The following CCSER1 variants were observed in gnomAD, a reference collection of about 807,000 sequenced individuals.
The protein encoded by CCSER1 is serine-rich coiled-coil domain-containing protein 1.
CCSER1 carries 41 observed loss-of-function variants against 82.0 expected under a neutral mutation model. The observed-to-expected ratio is 0.50, with a 90% CI of 0.39 to 0.65. The LOEUF (loss-of-function observed/expected upper bound fraction) is 0.65. Ranked by LOEUF, CCSER1 falls within the 30% of genes least tolerant of loss-of-function variation. The pLI, the probability that CCSER1 is intolerant of heterozygous loss-of-function variation, is 0.00. For missense variants in CCSER1, 1,119 were observed against 1,064.2 expected, an observed-to-expected ratio of 1.05 and a Z score of -0.72; for synonymous variants, 414 against 383.9, an observed-to-expected ratio of 1.08 and a Z score of -0.92.
At chr4:90,950,516 G>A (rs956563468) in intron 9 of CCSER1, among the ~76,000 whole-genome samples, 1 of 149,882 alleles carries the variant, frequency 6.7e-6, no homozygotes, top group African/African-American at 2.4e-5. Context: ...ACACACACAC[G>A]TGCACGCGTG....
intron 9 of CCSER1, among the ~76,000 whole-genome samples, chr4:91,020,746 T>C (rs188686354): frequency 6.6e-6 from 1 of 152,310 alleles, no homozygotes; most frequent in East Asian, 1.9e-4. Flanking sequence ...AATTTGTGTA[T>C]ATATACAAAA....
intron 1 of CCSER1, among the ~76,000 whole-genome samples, chr4:90,200,908 C>T (rs1322865561): frequency 6.6e-6 from 1 of 152,018 alleles, no homozygotes; most frequent in East Asian, 1.9e-4. Flanking sequence ...GAAATACTTC[C>T]TGTCTTCAAG....
chr4:91,187,224 C>T (rs766192095), intron 10 of CCSER1, among the ~76,000 whole-genome samples: 22 of 152,236 alleles, frequency 1.4e-4, no homozygotes, highest in Non-Finnish European at 3.1e-4. Context: ...AAATCACCCA[C>T]TTCTGCGTTG....
At chr4:91,464,619 C>T (rs1377102364) in intron 10 of CCSER1, among the ~76,000 whole-genome samples, 1 of 152,152 alleles carries the variant, frequency 6.6e-6, no homozygotes, top group Non-Finnish European at 1.5e-5. Flanking sequence ...ATCTCACATG[C>T]AGAGACACGC....
chr4:91,274,856 A>G (rs932062165), intron 10 of CCSER1, among the ~76,000 whole-genome samples: 3 of 152,160 alleles, frequency 2.0e-5, no homozygotes, highest in African/African-American at 7.2e-5. Flanking sequence ...CTGTAATCCC[A>G]GCACTTTGGG....
At chr4:90,322,538 T>G (rs1030540484) in intron 3 of CCSER1, among the ~76,000 whole-genome samples, 2 of 152,212 alleles carry the variant, frequency 1.3e-5, no homozygotes, top group Non-Finnish European at 2.9e-5. Flanking sequence ...TATTTTGATA[T>G]GGATTGCATT....
intron 10 of CCSER1, among the ~76,000 whole-genome samples, chr4:91,444,275 TA>T (rs1755406302): frequency 6.6e-6 from 1 of 152,174 alleles, no homozygotes; most frequent in South Asian, 2.1e-4. Flanking sequence ...GAGCATAAGC[TA>T]AATTATTTAA....
At chr4:91,210,536 C>G (rs1331556892) in intron 10 of CCSER1, among the ~76,000 whole-genome samples, 1 of 150,068 alleles carries the variant, frequency 6.7e-6, no homozygotes, top group Non-Finnish European at 1.5e-5. Context: ...GGTGACAGTA[C>G]ACTGTGATTT....
intron 3 of CCSER1, among the ~76,000 whole-genome samples, chr4:90,376,534 A>G (rs1440610394): frequency 6.6e-6 from 1 of 152,166 alleles, no homozygotes; most frequent in East Asian, 1.9e-4. Flanking sequence ...TGGCTTTTTA[A>G]GGTAGTCCCT....
At chr4:91,322,066 GAATT>G (rs1466772516) in intron 10 of CCSER1, among the ~76,000 whole-genome samples, 1 of 151,990 alleles carries the variant, frequency 6.6e-6, no homozygotes, top group Non-Finnish European at 1.5e-5. Flanking sequence ...ATGAATGAAT[GAATT>G]ATTTAAAATG....
intron 1 of CCSER1, among the ~76,000 whole-genome samples, chr4:90,163,268 T>C (rs1378588006): frequency 6.6e-6 from 1 of 152,020 alleles, no homozygotes; most frequent in Non-Finnish European, 1.5e-5. Context: ...TAAGTGGGGA[T>C]AATAAATGTT....
intron 10 of CCSER1, among the ~76,000 whole-genome samples, chr4:91,386,105 G>C (rs1030607713): frequency 6.8e-6 from 1 of 147,486 alleles, no homozygotes; most frequent in Non-Finnish European, 1.5e-5. Flanking sequence ...CCTGAATCCT[G>C]TTTTTTTTTT....
intron 10 of CCSER1, among the ~76,000 whole-genome samples, chr4:91,257,413 G>T (rs1300004524): frequency 1.3e-4 from 19 of 150,742 alleles, no homozygotes; most frequent in African/African-American, 4.6e-4. Flanking sequence ...TAATATTCAT[G>T]GTTTGACTTG....
intron 10 of CCSER1, among the ~76,000 whole-genome samples, chr4:91,333,276 T>A (rs554047701): frequency 9.2e-5 from 14 of 152,050 alleles, no homozygotes; most frequent in Non-Finnish European, 1.9e-4. Flanking sequence ...ATGACTTGTT[T>A]ATCATAGAAT....
intron 7 of CCSER1, among the ~76,000 whole-genome samples, chr4:90,804,500 A>G (rs11097269): frequency 0.34 from 51,558 of 151,688 alleles, 8,945 homozygotes; most frequent in East Asian, 0.42. Flanking sequence ...TTTGTGTCAG[A>G]TTTGTCAAAG....
intron 7 of CCSER1, among the ~76,000 whole-genome samples, chr4:90,810,821 A>C (rs1356231693): frequency 6.7e-6 from 1 of 149,670 alleles, no homozygotes. Context: ...CTAGTGAAAT[A>C]AAGAGTAATT....
intron 1 of CCSER1, among the ~76,000 whole-genome samples, chr4:90,307,017 C>A (rs575729407): frequency 6.6e-6 from 1 of 152,290 alleles, no homozygotes; most frequent in African/African-American, 2.4e-5. Context: ...ATGTATCATG[C>A]TGATTATGAG....
intron 10 of CCSER1, among the ~76,000 whole-genome samples, chr4:91,361,494 G>A (rs1749241562): frequency 6.6e-6 from 1 of 151,754 alleles, no homozygotes; most frequent in Non-Finnish European, 1.5e-5. Context: ...ATGGATGAAA[G>A]TAAAACAATA....
intron 1 of CCSER1, among the ~76,000 whole-genome samples, chr4:90,279,062 T>C (rs1728434147): frequency 6.6e-6 from 1 of 152,062 alleles, no homozygotes; most frequent in Non-Finnish European, 1.5e-5. Context: ...TATTCTATAA[T>C]GGCACTTTTT....
Sources: allele counts gnomAD v4.1 joint callset (sites outside exome capture counted in the v4.1 genomes callset), GRCh38; gene constraint gnomAD v4.1.1; transcripts MANE v1.5; gene names NCBI Gene and HGNC (gene_info 2026-07-23, HGNC 2026-07-21).